Variants in RBM33 observed in about 807,000 individuals in gnomAD.
RBM33 encodes the protein RNA-binding protein 33.
Under a neutral mutation model 132.6 loss-of-function variants are expected in RBM33, and 28 were observed. The observed-to-expected ratio is 0.21, with a 90% CI of 0.16 to 0.29. The LOEUF is 0.29. Among genes scored for constraint, RBM33 ranks in the 10% least tolerant of loss-of-function variants. The pLI, the probability that RBM33 is intolerant of heterozygous loss-of-function variation, is 1.00. For missense variants in RBM33, 1,291 were observed against 1,518.5 expected, an observed-to-expected ratio of 0.85 and a Z score of 2.49; for synonymous variants, 634 against 593.0, an observed-to-expected ratio of 1.07 and a Z score of -1.01.
At chr7:155,683,953 A>G (rs1799403789) in intron 5 of RBM33, among the ~76,000 whole-genome samples, 1 of 152,172 alleles carries the variant, frequency 6.6e-6, no homozygotes, top group Non-Finnish European at 1.5e-5. Context: ...TTGGATTAGC[A>G]TCATTTATTT....
chr7:155,684,992 T>G (rs1183258763), intron 5 of RBM33: 1 of 1,550,488 alleles, frequency 6.4e-7, no homozygotes. Flanking sequence ...AGGAAGACTG[T>G]GTGGCTGAAG....
intron 9 of RBM33, among the ~76,000 whole-genome samples, chr7:155,725,505 A>G (rs1217521547): frequency 6.6e-6 from 1 of 152,102 alleles, no homozygotes; most frequent in Non-Finnish European, 1.5e-5. Flanking sequence ...ATAAACTGAG[A>G]AAAAAACATA....
At chr7:155,677,648 C>T (rs956907872) in intron 3 of RBM33, among the ~76,000 whole-genome samples, 2 of 152,080 alleles carry the variant, frequency 1.3e-5, no homozygotes, top group African/African-American at 2.4e-5. Flanking sequence ...AGGTTGAGTC[C>T]TGTGCGACTA....
intron 2 of RBM33, among the ~76,000 whole-genome samples, chr7:155,667,562 G>T (rs1299036257): frequency 6.6e-6 from 1 of 152,134 alleles, no homozygotes; most frequent in African/African-American, 2.4e-5. Flanking sequence ...TAATGTGGAA[G>T]AATTCTGTAG....
chr7:155,740,614 T>G (rs1801300205), intron 12 of RBM33, among the ~76,000 whole-genome samples: 1 of 152,222 alleles, frequency 6.6e-6, no homozygotes, highest in African/African-American at 2.4e-5. Context: ...AATGTGTGAC[T>G]TGTCGTGCAT....
At chr7:155,657,708 G>T (rs1371623176) in intron 1 of RBM33, among the ~76,000 whole-genome samples, 1 of 152,156 alleles carries the variant, frequency 6.6e-6, no homozygotes, top group Non-Finnish European at 1.5e-5. Context: ...TGCCATGGAT[G>T]ATTGTGATTA....
intron 14 of RBM33, among the ~76,000 whole-genome samples, chr7:155,746,093 T>C (rs1801508311): frequency 6.6e-6 from 1 of 152,210 alleles, no homozygotes; most frequent in Non-Finnish European, 1.5e-5. Context: ...TTCAGTTTTC[T>C]CTTTTGAGTC....
At chr7:155,668,199 A>G (rs966445504) in intron 2 of RBM33, among the ~76,000 whole-genome samples, 169 of 152,138 alleles carry the variant, frequency 1.1e-3, no homozygotes, top group African/African-American at 3.7e-3. Flanking sequence ...AAATATATGT[A>G]TTAGTATACT....
Position 155,763,995 on chromosome 7 carries a change from C to G in RBM33, c.3163C>G (p.Gln1055Glu), listed in dbSNP as rs1311350877. The change falls in exon 15 of 18, where the codon CAA (glutamine) becomes GAA (glutamate). Residue 1055 changes from glutamine to glutamate, a missense_variant. This residue lies in a region of RBM33 where 841 missense variants were observed against 912.0 expected (regional missense o/e 0.92). Coordinates refer to ENST00000401878, the MANE Select transcript of RBM33 (RefSeq NM_053043.3). ...TGTCCCTCCAGGGATCAAAAGCATC[C>G]AAGGAATTCACCCGGCGAAGAAGGT... ...SPVPPGIKSI[Q>E]GIHPAKKAIM... The G allele has an allele frequency of 6.4e-7, 1 of 1,562,974 alleles. No individual in the cohort carries two copies. The highest frequency in any genetic ancestry group is 8.7e-7 in the Non-Finnish European group (1 of 1,154,458).
intron 16 of RBM33, among the ~76,000 whole-genome samples, chr7:155,769,253 C>T (rs1046054439): frequency 5.9e-5 from 9 of 152,088 alleles, no homozygotes; most frequent in South Asian, 4.1e-4. Context: ...GGAACTCTTT[C>T]GTTCTTCCTG....
chr7:155,726,702 T>C (rs1800803126), intron 9 of RBM33, among the ~76,000 whole-genome samples: 2 of 152,238 alleles, frequency 1.3e-5, no homozygotes, highest in South Asian at 4.1e-4. Context: ...CATGAAATGA[T>C]AGAAGTTAAT....
At chr7:155,684,550 G>A (rs1318510935) in intron 5 of RBM33, among the ~76,000 whole-genome samples, 2 of 152,110 alleles carry the variant, frequency 1.3e-5, no homozygotes, top group African/African-American at 2.4e-5. Context: ...GTCTTACATT[G>A]CCACAAAAAT....
At chr7:155,755,966 ATGTTTC>A (rs1287134826) in intron 14 of RBM33, among the ~76,000 whole-genome samples, 3 of 152,214 alleles carry the variant, frequency 2.0e-5, no homozygotes, top group Non-Finnish European at 1.5e-5. Context: ...TGGGAAAAAA[ATGTTTC>A]TGGTTTGACC....
chr7:155,681,978 T>C (rs767715644), intron 5 of RBM33, among the ~76,000 whole-genome samples: 14 of 151,818 alleles, frequency 9.2e-5, no homozygotes, highest in Non-Finnish European at 1.8e-4. Context: ...TGGAGTGCAG[T>C]GGTGCGATCT....
At chr7:155,678,567 T>TGATA (rs1799248951) in intron 3 of RBM33, 41 bp from the exon 4 acceptor site, 1 of 1,233,202 alleles carries the variant, frequency 8.1e-7, no homozygotes, top group South Asian at 1.4e-5. Context: ...AGTCTTTTTA[T>TGATA]GGAAGTGACA....
rs1563138129 is a variant in RBM33, at chr7:155,673,789, CA to C, written c.171+875del. 1.6e-3 allele frequency among the ~76,000 whole-genome samples: 231 copies of C among 147,064 alleles called. 4 individuals are homozygous for C. Among genetic ancestry groups the C allele is most frequent in the African/African-American group, 5.9e-3 (222 of 37,602 alleles). ...GCGCGCACACACACACACACACACA[CA>C]CACACACACACCCCTACCAGTATAT... On this transcript the variant is annotated intron_variant, in intron 3 of 17. Coordinates refer to ENST00000401878, the MANE Select transcript of RBM33 (RefSeq NM_053043.3).
intron 13 of RBM33, 46 bp downstream of exon 13, chr7:155,742,152 C>G (rs781022081): frequency 6.5e-7 from 1 of 1,527,142 alleles, no homozygotes; most frequent in Non-Finnish European, 8.9e-7. Context: ...AAACAAGAAG[C>G]CTTAGAATCA....
chr7:155,701,047 AT>A (rs1260136095), intron 6 of RBM33, 103 bp downstream of exon 6: 9 of 1,019,150 alleles, frequency 8.8e-6, no homozygotes, highest in African/African-American at 4.8e-5. Context: ...TGACTAGGTA[AT>A]TGCGGCTGCC....
rs772743171 is a variant in RBM33, at chr7:155,678,580, CATTA to C, written c.172-23_172-20del. 45 of 1,315,996 alleles carry C rather than the reference CATTA, an allele frequency of 3.4e-5. 1 individual carries two copies. In the South Asian group the frequency reaches 5.7e-4, roughly 17 times the overall value. The allele number at this position is 1,315,996 out of a possible 1,614,324, so 81.5% of individuals were successfully genotyped here. On this transcript the variant is annotated intron_variant, in intron 3 of 17. Coordinates refer to ENST00000401878, the MANE Select transcript of RBM33 (RefSeq NM_053043.3). ...CAAGTCTTTTTATGGAAGTGACACA[CATTA>C]ATTATATTTCTTATTTTAATTAGAA... is the stretch of plus-strand genomic sequence containing the variant.
Sources: allele counts gnomAD v4.1 joint callset (sites outside exome capture counted in the v4.1 genomes callset), GRCh38; gene constraint gnomAD v4.1.1; regional missense constraint gnomAD v4.1.1; transcripts MANE v1.5; gene names NCBI Gene and HGNC (gene_info 2026-07-23, HGNC 2026-07-21).